NPNT: variants seen among roughly 807,000 people sequenced by gnomAD.
The protein encoded by NPNT is nephronectin.
Under a neutral mutation model 68.6 loss-of-function variants are expected in NPNT, and 45 were observed. That is an observed-to-expected ratio of 0.66 (90% CI 0.52 to 0.84). The LOEUF is 0.84. Ranked by LOEUF, NPNT falls within the 40% of genes least tolerant of loss-of-function variation. The pLI, the probability that NPNT is intolerant of heterozygous loss-of-function variation, is 0.00. For missense variants in NPNT, 672 were observed against 714.8 expected, an observed-to-expected ratio of 0.94 and a Z score of 0.68; for synonymous variants, 233 against 253.3, an observed-to-expected ratio of 0.92 and a Z score of 0.76.
chr4:105,940,083 G>A lies in NPNT; in HGVS notation c.514G>A (p.Glu172Lys), dbSNP rs1729809335. 6 of 1,613,232 alleles carry A rather than the reference G, an allele frequency of 3.7e-6. No homozygotes were observed. The highest frequency in any genetic ancestry group is 5.1e-6 in the Non-Finnish European group (6 of 1,179,378). The change falls in exon 6 of 12, where the codon GAA (glutamate) becomes AAA (lysine). Residue 172 changes from glutamate (E) to lysine (K), a missense_variant. Transcript: ENST00000379987. ...PDGRTCVDVD[E>K]CATGRASCPR... The stretch of plus-strand genomic sequence containing the variant: ...TTGACTTATGTTTCTAGATGTTGAT[G>A]AATGTGCTACAGGAAGAGCCTCCTG...
At chr4:105,914,290 T>C (rs1165958208) in intron 2 of NPNT, among the ~76,000 whole-genome samples, 1 of 145,508 alleles carries the variant, frequency 6.9e-6, no homozygotes, top group African/African-American at 2.5e-5. Context: ...TTCATTTTAC[T>C]GGGATGATAT....
intron 2 of NPNT, among the ~76,000 whole-genome samples, chr4:105,900,988 T>G (rs1726371763): frequency 6.6e-6 from 1 of 152,212 alleles, no homozygotes; most frequent in Non-Finnish European, 1.5e-5. Flanking sequence ...GGTGAAAATT[T>G]TTTAATATGT....
intron 2 of NPNT, among the ~76,000 whole-genome samples, chr4:105,903,678 C>A (rs1050833996): frequency 1.3e-5 from 2 of 152,088 alleles, no homozygotes; most frequent in Non-Finnish European, 2.9e-5. Context: ...TCCCCTATCA[C>A]CCACTTGTTT....
chr4:105,895,483 T>C lies in NPNT; in HGVS notation c.-170T>C. 1 of 590,288 alleles carries C rather than the reference T, an allele frequency of 1.7e-6. No individual in the cohort carries two copies. Among genetic ancestry groups the C allele is most frequent in the South Asian group, 2.1e-5 (1 of 47,242 alleles). The allele number at this position is 590,288 out of a possible 1,614,324, so 36.6% of individuals were successfully genotyped here. A position where few individuals can be genotyped will look rare whatever the true frequency, so the allele number is the denominator to read the frequency against. ...GGCTCCGGGCGCCGCGCAGCAGACCTGCTCCGGCCGCGCGCCTCGCCGCTG... is the reference window on the plus strand; with the variant it reads ...GGCTCCGGGCGCCGCGCAGCAGACCCGCTCCGGCCGCGCGCCTCGCCGCTG... On this transcript the variant is annotated 5_prime_UTR_variant, in exon 1 of 12. Coordinates refer to ENST00000379987, the MANE Select transcript of NPNT (RefSeq NM_001033047.3).
intron 2 of NPNT, among the ~76,000 whole-genome samples, chr4:105,902,023 A>AT (rs1189510415): frequency 6.6e-6 from 1 of 152,234 alleles, no homozygotes; most frequent in Non-Finnish European, 1.5e-5. Flanking sequence ...TAAACAAAAT[A>AT]TTTAAATTTC....
intron 8 of NPNT, among the ~76,000 whole-genome samples, chr4:105,950,437 CTTTA>C (rs1730732484): frequency 6.6e-6 from 1 of 151,890 alleles, no homozygotes; most frequent in South Asian, 2.1e-4. Context: ...CAGTCTTTAT[CTTTA>C]TTTATTTATT....
chr4:105,969,118 T>C lies in NPNT; in HGVS notation c.*128T>C. 2 of 609,750 alleles carry C rather than the reference T, an allele frequency of 3.3e-6. No individual in the cohort carries two copies. The highest frequency in any genetic ancestry group is 5.7e-6 in the Non-Finnish European group (2 of 352,358). 37.8% of individuals were successfully genotyped at this position (609,750 alleles called of 1,614,324 possible). On this transcript the variant is annotated 3_prime_UTR_variant, in exon 12 of 12. Coordinates refer to ENST00000379987, the MANE Select transcript of NPNT (RefSeq NM_001033047.3). ...GGTCAGTGGGTCAGAAGGAAGTCTA[T>C]TTGGTGACCCAGGTTTTTCTGGCCT...
At position 105,940,489 on chromosome 4, in the gene NPNT, C is replaced by T. The variant is rs962303652; in HGVS notation, c.641-25C>T. 1.6e-5 allele frequency: 26 copies of T among 1,602,144 alleles called. No individual in the cohort carries two copies. The South Asian group carries it at 2.5e-4, about 15-fold the overall frequency. Reference sequence around the variant, plus strand: ...TCATATTTATCTCCTAAATAAGTCTCTTCTTTTCCTACTTTCTGATGCAGA... The same window carrying T: ...TCATATTTATCTCCTAAATAAGTCTTTTCTTTTCCTACTTTCTGATGCAGA... On this transcript the variant is annotated intron_variant, in intron 6 of 11. Transcript: ENST00000379987.
intron 10 of NPNT, among the ~76,000 whole-genome samples, chr4:105,961,377 A>G (rs147525680): frequency 1.6e-3 from 243 of 152,346 alleles, no homozygotes; most frequent in African/African-American, 5.6e-3. Flanking sequence ...GCAGTCATGT[A>G]TGACAGAATG....
At chr4:105,932,333 CT>C (rs1294273695) in intron 3 of NPNT, among the ~76,000 whole-genome samples, 1 of 151,898 alleles carries the variant, frequency 6.6e-6, no homozygotes, top group East Asian at 1.9e-4. Context: ...ATGATGATCT[CT>C]TGTTTGGAAT....
intron 8 of NPNT, among the ~76,000 whole-genome samples, chr4:105,958,179 G>A (rs910444195): frequency 1.3e-5 from 2 of 152,116 alleles, no homozygotes; most frequent in Non-Finnish European, 2.9e-5. Context: ...CTAGAAATTG[G>A]TTGCTCTATT....
chr4:105,959,544 T>A lies in NPNT; in HGVS notation c.1345+418T>A, dbSNP rs1372163331. 2.7e-5 allele frequency among the ~76,000 whole-genome samples: 4 copies of A among 150,256 alleles called. No homozygotes were observed. The East Asian group carries it at 5.8e-4, about 22-fold the overall frequency. ...TTTTCTTTTTTTTTTTTTTTTAAGA[T>A]TTGAGTGGTAGTAGAAGAACACAGT... On this transcript the variant is annotated intron_variant, in intron 10 of 11. Transcript: ENST00000379987.
chr4:105,911,795 A>C (rs1392028542), intron 2 of NPNT: 1 of 200,360 alleles, frequency 5.0e-6, no homozygotes, highest in African/African-American at 2.4e-5. Context: ...CAAAAGTTTA[A>C]ATTTTTTCAG....
chr4:105,905,083 T>C (rs1726776718), intron 2 of NPNT, among the ~76,000 whole-genome samples: 1 of 152,026 alleles, frequency 6.6e-6, no homozygotes, highest in South Asian at 2.1e-4. Flanking sequence ...GCTTTTTTTT[T>C]TTCTAGACTT....
rs1456974576 is a variant in NPNT at position 105,970,211 on chromosome 4, C to T, written c.*1221C>T. 1.8e-6 allele frequency: 1 copy of T among 558,852 alleles called. No homozygotes were observed. Among genetic ancestry groups the T allele is most frequent in the Admixed American group, 3.1e-5 (1 of 32,342 alleles). The allele number at this position is 558,852 out of a possible 1,614,324, so 34.6% of individuals were successfully genotyped here. On this transcript the variant is annotated 3_prime_UTR_variant, in exon 12 of 12. Transcript: ENST00000379987. Reference sequence around the variant, plus strand: ...TGTGTTGGAACGGGATTTACACACACTGGAGGAGCAGGGCAAGTTGGAATT... The same window carrying T: ...TGTGTTGGAACGGGATTTACACACATTGGAGGAGCAGGGCAAGTTGGAATT...
At chr4:105,967,879 T>C (rs1437503426) in intron 11 of NPNT, among the ~76,000 whole-genome samples, 1 of 152,180 alleles carries the variant, frequency 6.6e-6, no homozygotes, top group Admixed American at 6.5e-5. Flanking sequence ...TTTGAAATGT[T>C]TCTTTCAAGT....
chr4:105,917,218 C>T (rs574602887), intron 2 of NPNT, among the ~76,000 whole-genome samples: 5 of 152,328 alleles, frequency 3.3e-5, no homozygotes, highest in South Asian at 2.1e-4. Flanking sequence ...TCGCAGTGGA[C>T]GGCCCTTGGG....
chr4:105,927,214 T>C (rs930761813), intron 2 of NPNT, 122 bp from the exon 3 acceptor site: 1 of 596,108 alleles, frequency 1.7e-6, no homozygotes, highest in African/African-American at 1.9e-5. Flanking sequence ...TTGTATACTT[T>C]GGCTACTTTG....
At chr4:105,900,402 CT>C (rs1726302811) in intron 2 of NPNT, among the ~76,000 whole-genome samples, 1 of 152,148 alleles carries the variant, frequency 6.6e-6, no homozygotes, top group Non-Finnish European at 1.5e-5. Context: ...TGCAGTGACC[CT>C]TTGGTGAGTG....
Sources: gnomAD v4.1 joint callset for allele counts (sites outside exome capture counted in the v4.1 genomes callset) on GRCh38, gnomAD v4.1.1 for gene constraint, MANE v1.5 for transcripts, NCBI Gene and HGNC (gene_info 2026-07-23, HGNC 2026-07-21) for gene names.